KAZN: variants seen among roughly 807,000 people sequenced by gnomAD.
The protein encoded by KAZN is kazrin, periplakin interacting protein, also known as kazrin.
A neutral mutation model predicts 87.4 loss-of-function variants in KAZN; 40 were observed. The observed-to-expected ratio is 0.46, with a 90% CI of 0.36 to 0.60. The LOEUF (loss-of-function observed/expected upper bound fraction) is 0.60, where lower values mean the gene tolerates loss of function less well. KAZN is among the 20% of genes least tolerant of loss of function. KAZN has a pLI of 0.00. For synonymous variants in KAZN, 466 were observed against 458.3 expected (o/e 1.02, Z -0.22); for missense variants, 898 against 1,073.9 (o/e 0.84, Z 2.29).
intron 1 of KAZN, among the ~76,000 whole-genome samples, chr1:14,743,100 A>G (rs1052334047): frequency 2.0e-5 from 3 of 152,162 alleles, no homozygotes; most frequent in African/African-American, 7.2e-5. Flanking sequence ...TGAAGAGGCC[A>G]GGAGTAGGGA....
In KAZN at chr1:13,944,470, T is replaced by C. The variant is rs116707729; in HGVS notation, c.91+50714T>C. 7.9e-3 allele frequency among the ~76,000 whole-genome samples: 1,206 copies of C among 152,318 alleles called. 13 individuals are homozygous for C. The highest frequency in any genetic ancestry group is 0.027 in the African/African-American group (1,107 of 41,578). ...GTGATAGTTGCACCACCTGGTAAAA[T>C]GTAGTAAACATCATTGACTTGTACA... On this transcript the variant is annotated intron_variant, in intron 1 of 16. Transcript: ENST00000636203.
chr1:14,321,076 G>A lies in KAZN; in HGVS notation c.249+140484G>A, dbSNP rs183499004. ...ACAGTAAAAGTCACAAAAATGTGCG[G>A]TAGCATTTCCTGGCAGCCCCAAGTT... On this transcript the variant is annotated intron_variant, in intron 2 of 16. Coordinates refer to the KAZN transcript ENST00000636203. Among the ~76,000 whole-genome samples, 88 of 152,292 alleles carry A rather than the reference G, an allele frequency of 5.8e-4. No homozygotes were observed. The South Asian group carries it at 7.9e-3, about 14-fold the overall frequency.
At chr1:13,920,680 T>C (rs1454263702) in intron 1 of KAZN, among the ~76,000 whole-genome samples, 1 of 152,140 alleles carries the variant, frequency 6.6e-6, no homozygotes, top group Non-Finnish European at 1.5e-5. Context: ...AGAATGTTTC[T>C]GTGTAGGGGA....
Position 14,833,847 on chromosome 1 carries a change from G to A in KAZN, c.227-126837G>A, listed in dbSNP as rs16850947. Reference sequence around the variant, plus strand: ...TTCACCAGCAGGTGGTGGCCGCCTCGTTCAGTTCATACAACCTGAAATTCG... The same window carrying A: ...TTCACCAGCAGGTGGTGGCCGCCTCATTCAGTTCATACAACCTGAAATTCG... On this transcript the variant is annotated intron_variant, in intron 1 of 14. Coordinates refer to ENST00000376030, the MANE Select transcript of KAZN (RefSeq NM_201628.3). Among the ~76,000 whole-genome samples, 766 of 152,046 alleles carry A rather than the reference G, an allele frequency of 5.0e-3. 5 individuals are homozygous for A. The highest frequency in any genetic ancestry group is 0.016 in the African/African-American group (669 of 41,420).
intron 8 of KAZN, among the ~76,000 whole-genome samples, chr1:15,076,788 T>A (rs742661): frequency 0.16 from 23,766 of 152,190 alleles, 2,564 homozygotes; most frequent in African/African-American, 0.31. Context: ...ACGACTGCAC[T>A]GCCTCGCGAG....
intron 2 of KAZN, among the ~76,000 whole-genome samples, chr1:14,371,310 T>C (rs951040097): frequency 1.3e-5 from 2 of 152,140 alleles, no homozygotes; most frequent in African/African-American, 4.8e-5. Flanking sequence ...TTTCCGTCTC[T>C]TGAGTTCTTC....
At chr1:14,885,137 A>T (rs1363262360) in intron 1 of KAZN, among the ~76,000 whole-genome samples, 1 of 152,158 alleles carries the variant, frequency 6.6e-6, no homozygotes, top group African/African-American at 2.4e-5. Flanking sequence ...AACAAAAATA[A>T]CATTACCTCC....
At chr1:14,592,758 G>A (rs1479377783) in intron 2 of KAZN, among the ~76,000 whole-genome samples, 2 of 152,194 alleles carry the variant, frequency 1.3e-5, no homozygotes, top group East Asian at 3.9e-4. Flanking sequence ...GTTTCTCAGG[G>A]CACTGACTCC....
intron 2 of KAZN, among the ~76,000 whole-genome samples, chr1:14,356,153 T>C (rs1659006701): frequency 6.6e-6 from 1 of 152,244 alleles, no homozygotes; most frequent in Admixed American, 6.5e-5. Flanking sequence ...CTCACTGTGG[T>C]TTTGTTTGCA....
intron 2 of KAZN, among the ~76,000 whole-genome samples, chr1:14,469,819 A>G (rs568695048): frequency 1.6e-4 from 24 of 152,332 alleles, no homozygotes; most frequent in Non-Finnish European, 2.5e-4. Context: ...ATATCCCTGG[A>G]AGATTTGGGA....
At chr1:14,314,146 G>C (rs886741289) in intron 2 of KAZN, among the ~76,000 whole-genome samples, 1 of 152,110 alleles carries the variant, frequency 6.6e-6, no homozygotes, top group African/African-American at 2.4e-5. Flanking sequence ...AATACCTTCT[G>C]TTGGTTGTGT....
chr1:14,185,645 GTGTT>G (rs1646288290), intron 2 of KAZN, among the ~76,000 whole-genome samples: 1 of 152,152 alleles, frequency 6.6e-6, no homozygotes, highest in South Asian at 2.1e-4. Flanking sequence ...CTTTAAAAGG[GTGTT>G]TGTTTTGTTT....
chr1:14,471,031 G>T (rs767827843), intron 2 of KAZN, among the ~76,000 whole-genome samples: 1 of 152,158 alleles, frequency 6.6e-6, no homozygotes, highest in Non-Finnish European at 1.5e-5. Flanking sequence ...TTGGAAGTGA[G>T]TCTTTCACAC....
intron 2 of KAZN, among the ~76,000 whole-genome samples, chr1:14,580,020 A>G (rs1675443756): frequency 1.3e-5 from 2 of 152,176 alleles, no homozygotes; most frequent in East Asian, 3.9e-4. Context: ...GTAAGGGATA[A>G]TTAGTACCCA....
At chr1:14,275,616 G>A (rs1652289137) in intron 2 of KAZN, among the ~76,000 whole-genome samples, 1 of 152,122 alleles carries the variant, frequency 6.6e-6, no homozygotes, top group South Asian at 2.1e-4. Flanking sequence ...ATATTCATGT[G>A]TGTATTCATA....
chr1:14,473,054 A>G (rs1265709620), intron 2 of KAZN, among the ~76,000 whole-genome samples: 1 of 152,126 alleles, frequency 6.6e-6, no homozygotes, highest in Non-Finnish European at 1.5e-5. Context: ...TCCATTAATT[A>G]CCAGTTCAAA....
Position 14,707,527 on chromosome 1 carries a change from T to C in KAZN, c.226+108304T>C, listed in dbSNP as rs151023968. Among the ~76,000 whole-genome samples the C allele has an allele frequency of 6.8e-3, 1,035 of 152,330 alleles. 10 individuals carry two copies. Among genetic ancestry groups the C allele is most frequent in the African/African-American group, 0.023 (968 of 41,568 alleles). On this transcript the variant is annotated intron_variant, in intron 1 of 14. Transcript: ENST00000376030. The stretch of plus-strand genomic sequence containing the variant: ...TCTCCAGAGTCATTTGCTGGTGGTG[T>C]GGCTCTTCCTTTAAAATCTTTATTT...
chr1:14,677,765 C>T (rs1293899209), intron 1 of KAZN, among the ~76,000 whole-genome samples: 1 of 152,124 alleles, frequency 6.6e-6, no homozygotes, highest in Non-Finnish European at 1.5e-5. Context: ...CTGCTAAGTC[C>T]AGAATAGCCA....
rs571660832 is a variant in KAZN, at chr1:14,792,422, C to A, written c.227-168262C>A. Among the ~76,000 whole-genome samples, 27 of 152,306 alleles carry A rather than the reference C, an allele frequency of 1.8e-4. No individual in the cohort carries two copies. In the South Asian group the frequency reaches 5.0e-3, roughly 28 times the overall value. On this transcript the variant is annotated intron_variant, in intron 1 of 14. Transcript: ENST00000376030. ...ATACAAGAATGAAGTACTTACCAAA[C>A]GTGGTGGCTTATGCTTGTAATCCCA...
Sources: allele counts gnomAD v4.1 joint callset (sites outside exome capture counted in the v4.1 genomes callset), GRCh38; gene constraint gnomAD v4.1.1; transcripts MANE v1.5; gene names NCBI Gene and HGNC (gene_info 2026-07-23, HGNC 2026-07-21).